The following MYO19 variants were observed in gnomAD, a reference collection of about 807,000 sequenced individuals.
MYO19 encodes the protein myosin XIX, also known as unconventional myosin-XIX.
Under a neutral mutation model 129.2 loss-of-function variants are expected in MYO19, and 132 were observed. That is an observed-to-expected ratio of 1.02 (90% CI 0.89 to 1.18). MYO19 has a LOEUF of 1.18. Among genes scored for constraint, MYO19 ranks in the 50% most tolerant of loss-of-function variants. MYO19 has a pLI of 0.00. For synonymous variants in MYO19, 531 were observed against 477.2 expected (o/e 1.11, Z -1.47); for missense variants, 1,210 against 1,216.7 (o/e 0.99, Z 0.08).
chr17:36,536,618 G>A (rs1278397437), upstream of MYO19, among the ~76,000 whole-genome samples: 1 of 142,614 alleles, frequency 7.0e-6, no homozygotes. Flanking sequence ...CGGTTCAACC[G>A]ATTCTCCTGC....
chr17:36,540,456 C>T (rs755252987), intron 2 of MYO19, among the ~76,000 whole-genome samples: 59 of 151,648 alleles, frequency 3.9e-4, no homozygotes, highest in Non-Finnish European at 7.1e-4. Context: ...CTACAACCTC[C>T]GCCTCCCAGA....
chr17:36,518,278 C>T (rs1382743420), intron 6 of MYO19, among the ~76,000 whole-genome samples: 1 of 151,546 alleles, frequency 6.6e-6, no homozygotes, highest in East Asian at 1.9e-4. Flanking sequence ...TTGATACCAG[C>T]CTGGCCACCA....
chr17:36,525,097 C>A, intron 6 of MYO19, 131 bp downstream of exon 6: 1 of 688,440 alleles, frequency 1.5e-6, no homozygotes, highest in Non-Finnish European at 2.6e-6. Context: ...GCACCAACCC[C>A]AGCTTCAGCC....
upstream of MYO19, among the ~76,000 whole-genome samples, chr17:36,536,262 A>G (rs2074118728): frequency 6.6e-6 from 1 of 152,184 alleles, no homozygotes; most frequent in Admixed American, 6.5e-5. Context: ...GGATCCAGAA[A>G]TCACTGCAGG....
At chr17:36,542,815 A>C (rs2074203865) in intron 1 of MYO19, among the ~76,000 whole-genome samples, 1 of 151,962 alleles carries the variant, frequency 6.6e-6, no homozygotes, top group South Asian at 2.1e-4. Context: ...TTCCCGGTTC[A>C]AGCGATTCTT....
At chr17:36,498,968 G>T in intron 24 of MYO19, 107 bp downstream of exon 24, 1 of 888,502 alleles carries the variant, frequency 1.1e-6, no homozygotes, top group Non-Finnish European at 1.8e-6. Flanking sequence ...TAAACAACCT[G>T]CCCAAGGCCA....
At chr17:36,519,311 T>C (rs530533215) in intron 6 of MYO19, among the ~76,000 whole-genome samples, 1 of 152,368 alleles carries the variant, frequency 6.6e-6, no homozygotes, top group Non-Finnish European at 1.5e-5. Flanking sequence ...AATTCACCCA[T>C]TTATCATTAT....
At chr17:36,540,639 G>C (rs547422967) in intron 2 of MYO19, among the ~76,000 whole-genome samples, 1 of 152,112 alleles carries the variant, frequency 6.6e-6, no homozygotes, top group African/African-American at 2.4e-5. Context: ...CCAAAGTGCT[G>C]GGATATAGGC....
chr17:36,525,425 G>C (rs890113971), intron 5 of MYO19, 84 bp from the exon 6 acceptor site: 14 of 1,026,544 alleles, frequency 1.4e-5, no homozygotes, highest in Non-Finnish European at 1.5e-6. Context: ...GAGATGGGGA[G>C]GCTGCCAATA....
chr17:36,500,648 T>C (rs577311822), intron 23 of MYO19, 182 bp downstream of exon 23: 12 of 802,036 alleles, frequency 1.5e-5, no homozygotes, highest in South Asian at 4.4e-5. Context: ...TTGGTTTCCA[T>C]TGAACTGGAG....
Position 36,507,159 on chromosome 17 carries a change from G to A in MYO19, c.1468-20C>T, listed in dbSNP as rs2071965403. 1 of 1,590,550 alleles carries A rather than the reference G, an allele frequency of 6.3e-7. No homozygotes were observed. Reference sequence around the variant, plus strand: ...GCATTCCTGTGGGATGGGAACAGGGGGTCAGCCACCAACATGAGAGTGTCT... The same window carrying A: ...GCATTCCTGTGGGATGGGAACAGGGAGTCAGCCACCAACATGAGAGTGTCT... On this transcript the variant is annotated intron_variant, in intron 16 of 25. Transcript: ENST00000614623.
At chr17:36,542,503 T>C (rs2142634927) in intron 1 of MYO19, among the ~76,000 whole-genome samples, 1 of 151,984 alleles carries the variant, frequency 6.6e-6, no homozygotes, top group East Asian at 2.0e-4. Context: ...ATCAAGACCA[T>C]CCTGGCTGAC....
chr17:36,517,607 A>C (rs1291790326), intron 6 of MYO19, among the ~76,000 whole-genome samples: 1 of 151,926 alleles, frequency 6.6e-6, no homozygotes, highest in African/African-American at 2.4e-5. Context: ...TATTTCATTA[A>C]TTTTTCTATT....
At chr17:36,531,498 A>G (rs1417322747) in intron 3 of MYO19, among the ~76,000 whole-genome samples, 1 of 152,088 alleles carries the variant, frequency 6.6e-6, no homozygotes, top group Non-Finnish European at 1.5e-5. Flanking sequence ...AGAGAATATC[A>G]TAGGTTTTTT....
Position 36,511,471 on chromosome 17 carries a change from G to C in MYO19, c.895-16C>G, listed in dbSNP as rs766677826. On this transcript the variant is annotated splice_polypyrimidine_tract_variant and intron_variant, in intron 11 of 25. Transcript: ENST00000614623. ...CAGCTAGGACCTGGGGGAAAGAAAA[G>C]GATGGGTGGGAGTAGGAGAGGGCGT... The C allele has an allele frequency of 6.4e-7, 1 of 1,553,594 alleles. No homozygotes were observed. Among genetic ancestry groups the C allele is most frequent in the East Asian group, 2.4e-5 (1 of 41,044 alleles).
intron 6 of MYO19, among the ~76,000 whole-genome samples, chr17:36,524,448 C>T (rs777983131): frequency 1.3e-5 from 2 of 152,148 alleles, no homozygotes; most frequent in African/African-American, 4.8e-5. Context: ...GTGGAAAGGG[C>T]GAGGCAGCTG....
chr17:36,516,890 T>C (rs577798971), intron 6 of MYO19, among the ~76,000 whole-genome samples: 1 of 152,338 alleles, frequency 6.6e-6, no homozygotes, highest in African/African-American at 2.4e-5. Flanking sequence ...GGATCAGAGA[T>C]ATTTCTATCT....
Position 36,506,052 on chromosome 17 carries a change from T to G in MYO19, c.1797+404A>C, listed in dbSNP as rs554550749. On this transcript the variant is annotated intron_variant, in intron 18 of 25. Coordinates refer to ENST00000614623, the MANE Select transcript of MYO19 (RefSeq NM_001163735.2). ...AGTAGTCAAGAGTATCCCAGGAAGG[T>G]GGGGCGGTACATGCAAGGACTGAGA... Among the ~76,000 whole-genome samples the G allele has an allele frequency of 3.3e-5, 5 of 151,912 alleles. No individual in the cohort carries two copies. In the South Asian group the frequency reaches 1.0e-3, roughly 32 times the overall value.
intron 25 of MYO19, 65 bp downstream of exon 25, chr17:36,498,201 A>G: frequency 6.5e-7 from 1 of 1,540,788 alleles, no homozygotes; most frequent in East Asian, 2.3e-5. Flanking sequence ...CCCGCTGTGA[A>G]CTTGTAGGCT....
Sources: gnomAD v4.1 joint callset for allele counts (sites outside exome capture counted in the v4.1 genomes callset) on GRCh38, gnomAD v4.1.1 for gene constraint, MANE v1.5 for transcripts, NCBI Gene and HGNC (gene_info 2026-07-23, HGNC 2026-07-21) for gene names.